Variants in SERPINB13 observed in about 807,000 individuals in gnomAD.
The protein encoded by SERPINB13 is serpin family B member 13.
Under a neutral mutation model 31.2 loss-of-function variants are expected in SERPINB13, and 26 were observed. The observed-to-expected ratio is 0.83, with a 90% confidence interval of 0.61 to 1.15. SERPINB13 has a LOEUF of 1.15. SERPINB13 is among the 50% of genes most tolerant of loss of function. The probability of loss-of-function intolerance (pLI) is 0.00; values close to 1 mark genes in which losing one functional copy is unlikely to be tolerated. For synonymous variants in SERPINB13, 191 were observed against 172.4 expected (o/e 1.11, Z -0.85); for missense variants, 510 against 469.4 (o/e 1.09, Z -0.80).
Position 63,598,457 on chromosome 18 carries a change from GT to G in SERPINB13, c.*1098del, listed in dbSNP as rs1267792458. 2.0e-5 allele frequency: 3 copies of G among 151,984 alleles called. No individual in the cohort carries two copies. Among genetic ancestry groups the G allele is most frequent in the Non-Finnish European group, 4.4e-5 (3 of 67,944 alleles). 9.4% of individuals were successfully genotyped at this position (151,984 alleles called of 1,614,324 possible). A position where few individuals can be genotyped will look rare whatever the true frequency, so the allele number is the denominator to read the frequency against. ...TCCCAATCCTAGGCACCACTGAGTT[GT>G]TTTCTGTCTTTATAAGTTTTTCTTT... On this transcript the variant is annotated 3_prime_UTR_variant, in exon 8 of 8. Transcript: ENST00000344731.
At chr18:63,593,974 C>G in intron 5 of SERPINB13, 1 of 477,478 alleles carries the variant, frequency 2.1e-6, no homozygotes, top group Non-Finnish European at 4.3e-6. Flanking sequence ...TGTGTTAAAT[C>G]ATTTGTTCCT....
intron 5 of SERPINB13, chr18:63,594,048 A>C (rs776618034): frequency 4.2e-5 from 30 of 715,152 alleles, no homozygotes; most frequent in Middle Eastern, 2.7e-4. Context: ...AGGCACAGAG[A>C]GTTTAAATAA....
rs199761522 is a variant in SERPINB13 at position 63,597,367 on chromosome 18, G to A, written c.*4G>A. 2.9e-4 allele frequency: 459 copies of A among 1,600,860 alleles called. No homozygotes were observed. Among genetic ancestry groups the A allele is most frequent in the Non-Finnish European group, 3.5e-4 (414 of 1,171,454 alleles). On this transcript the variant is annotated 3_prime_UTR_variant, in exon 8 of 8. Coordinates refer to ENST00000344731, the MANE Select transcript of SERPINB13 (RefSeq NM_012397.4). ...CGGCAGATTTTCTTCTCCTTAAGATGATCGTTGCCATGGCATTGCTGCTTT... is the reference window on the plus strand; with the variant it reads ...CGGCAGATTTTCTTCTCCTTAAGATAATCGTTGCCATGGCATTGCTGCTTT...
intron 1 of SERPINB13, among the ~76,000 whole-genome samples, chr18:63,588,445 G>A (rs1911638301): frequency 2.0e-5 from 3 of 152,238 alleles, no homozygotes; most frequent in Admixed American, 6.5e-5. Flanking sequence ...ACCGGATGAC[G>A]GAAGACTCCA....
Position 63,595,215 on chromosome 18 carries a change from T to A in SERPINB13, c.771+31T>A, listed in dbSNP as rs147503264. 233 of 1,584,016 alleles carry A rather than the reference T, an allele frequency of 1.5e-4. No individual in the cohort carries two copies. In the East Asian group the frequency reaches 4.5e-3, roughly 31 times the overall value. On this transcript the variant is annotated intron_variant, in intron 7 of 7. Coordinates refer to ENST00000344731, the MANE Select transcript of SERPINB13 (RefSeq NM_012397.4). Reference sequence around the variant, plus strand: ...CGCTTACACCTCCTTATTCTTTCTTTCATTTCCTAAGGCTTTTTGTCTCAG... The same window carrying A: ...CGCTTACACCTCCTTATTCTTTCTTACATTTCCTAAGGCTTTTTGTCTCAG...
chr18:63,594,311 C>T, intron 5 of SERPINB13, 44 bp from the exon 6 acceptor site: 2 of 1,611,612 alleles, frequency 1.2e-6, no homozygotes, highest in Non-Finnish European at 1.7e-6. Flanking sequence ...TATTATTTGT[C>T]ATTTGGAAGA....
rs1395530254 is a variant in SERPINB13, at chr18:63,599,119, T to C, written c.*1756T>C. On this transcript the variant is annotated 3_prime_UTR_variant, in exon 8 of 8. Transcript: ENST00000344731. ...TGTCTGTCTTGTCTTCTCATTTTAT[T>C]GAGTTAAATGAGTTCTTAATAATCT... 2.6e-5 allele frequency: 4 copies of C among 152,184 alleles called. No homozygotes were observed. In the East Asian group the frequency reaches 7.7e-4, roughly 29 times the overall value. The allele number at this position is 152,184 out of a possible 1,614,324, so 9.4% of individuals were successfully genotyped here. A position where few individuals can be genotyped will look rare whatever the true frequency, so the allele number is the denominator to read the frequency against.
At chr18:63,596,782 T>A (rs1372296155) in intron 7 of SERPINB13, among the ~76,000 whole-genome samples, 177 bp from the exon 8 acceptor site, 1 of 152,196 alleles carries the variant, frequency 6.6e-6, no homozygotes, top group East Asian at 1.9e-4. Flanking sequence ...ACAGATAATT[T>A]AAACAGAGAG....
Position 63,587,595 on chromosome 18 carries a change from A to G in SERPINB13, c.-18+145A>G, listed in dbSNP as rs187610727. The G allele has an allele frequency of 7.4e-5, 28 of 376,320 alleles. No homozygotes were observed. The Admixed American group carries it at 1.0e-3, about 13-fold the overall frequency. 23.3% of individuals were successfully genotyped at this position (376,320 alleles called of 1,614,324 possible). ...AGTTCCAACATGGCCATGACAATGT[A>G]TCTTCTTTGACAGTAAATTAATCCA... On this transcript the variant is annotated intron_variant, in intron 1 of 7. Transcript: ENST00000344731.
chr18:63,587,489 T>C (rs1911581576), intron 1 of SERPINB13, 39 bp downstream of exon 1: 1 of 465,904 alleles, frequency 2.1e-6, no homozygotes, highest in Non-Finnish European at 4.4e-6. Flanking sequence ...GACCTCTGTA[T>C]TTTGAGAACA....
Position 63,592,240 on chromosome 18 carries a change from T to C in SERPINB13, c.226-108T>C, listed in dbSNP as rs557205585. 1.2e-5 allele frequency: 16 copies of C among 1,282,874 alleles called. No individual in the cohort carries two copies. In the African/African-American group the frequency reaches 2.4e-4, roughly 19 times the overall value. The allele number at this position is 1,282,874 out of a possible 1,614,324, so 79.5% of individuals were successfully genotyped here. A position where few individuals can be genotyped will look rare whatever the true frequency, so the allele number is the denominator to read the frequency against. ...CCACATCAAACACAGGGATCACCCT[T>C]GAGGCTGACAAACGGAGGGAGAGAC... On this transcript the variant is annotated intron_variant, in intron 3 of 7. Transcript: ENST00000344731.
chr18:63,593,059 T>G, intron 5 of SERPINB13, 88 bp downstream of exon 5: 6 of 850,744 alleles, frequency 7.1e-6, no homozygotes, highest in Non-Finnish European at 1.2e-5. Flanking sequence ...CTGCTGTGAA[T>G]GAAGCCCTGG....
intron 3 of SERPINB13, among the ~76,000 whole-genome samples, chr18:63,591,601 T>C (rs1474262346): frequency 6.6e-6 from 1 of 152,148 alleles, no homozygotes; most frequent in Admixed American, 6.5e-5. Flanking sequence ...ATACATCTAG[T>C]TTGAATCCAG....
At chr18:63,592,567 C>A in intron 4 of SERPINB13, 91 bp downstream of exon 4, 1 of 1,307,168 alleles carries the variant, frequency 7.7e-7, no homozygotes, top group Non-Finnish European at 1.1e-6. Context: ...GTCGTGCTGC[C>A]TGGCTCTGGC....
intron 2 of SERPINB13, among the ~76,000 whole-genome samples, 190 bp downstream of exon 2, chr18:63,589,022 C>G (rs1455558): frequency 0.57 from 87,259 of 152,024 alleles, 27,790 homozygotes; most frequent in Non-Finnish European, 0.73. Context: ...AATACCATCT[C>G]GCCACCTGCT....
intron 7 of SERPINB13, among the ~76,000 whole-genome samples, 153 bp from the exon 8 acceptor site, chr18:63,596,806 G>A (rs1180502048): frequency 1.3e-5 from 2 of 151,994 alleles, no homozygotes; most frequent in African/African-American, 2.4e-5. Flanking sequence ...TAAGACAACC[G>A]CCTGCAGTAT....
chr18:63,589,843 T>TC, intron 3 of SERPINB13, 128 bp downstream of exon 3: 1 of 1,528,206 alleles, frequency 6.5e-7, no homozygotes, highest in Non-Finnish European at 8.8e-7. Context: ...ATTGTTGCTT[T>TC]ACTATTAAGC....
At chr18:63,589,868 TAG>T (rs766381018) in intron 3 of SERPINB13, 153 bp downstream of exon 3, 70 of 1,406,846 alleles carry the variant, frequency 5.0e-5, no homozygotes, top group Non-Finnish European at 6.2e-5. Context: ...ATAATCACCA[TAG>T]ACAAATATTG....
intron 5 of SERPINB13, 39 bp downstream of exon 5, chr18:63,593,010 A>C: frequency 7.8e-7 from 1 of 1,286,546 alleles, no homozygotes; most frequent in Non-Finnish European, 1.1e-6. Context: ...AAAAAACAAA[A>C]ACAAAGAAAC....
Sources: allele counts gnomAD v4.1 joint callset (sites outside exome capture counted in the v4.1 genomes callset), GRCh38; gene constraint gnomAD v4.1.1; transcripts MANE v1.5; gene names NCBI Gene and HGNC (gene_info 2026-07-23, HGNC 2026-07-21).